The following UNC13C variants were observed in gnomAD, a reference collection of about 807,000 sequenced individuals.
UNC13C encodes the protein protein unc-13 homolog C.
In UNC13C, 174 loss-of-function variants were observed where a neutral mutation model predicts 245.4. That is an observed-to-expected ratio of 0.71 (90% CI 0.63 to 0.80). UNC13C has a LOEUF of 0.80. Ranked by LOEUF, UNC13C falls within the 30% of genes least tolerant of loss-of-function variation. The pLI is 0.00. For synonymous variants in UNC13C, 992 were observed against 895.1 expected, an observed-to-expected ratio of 1.11 and a Z score of -1.93; for missense variants, 2,829 against 2,602.9, an observed-to-expected ratio of 1.09 and a Z score of -1.89.
intron 2 of UNC13C, among the ~76,000 whole-genome samples, chr15:54,087,175 G>A (rs570802427): frequency 3.9e-5 from 6 of 152,122 alleles, no homozygotes; most frequent in East Asian, 1.9e-4. Flanking sequence ...TTCACTTGAA[G>A]CATTATTTTC....
intron 2 of UNC13C, among the ~76,000 whole-genome samples, chr15:54,053,240 C>G (rs1452048799): frequency 6.6e-6 from 1 of 152,022 alleles, no homozygotes; most frequent in African/African-American, 2.4e-5. Flanking sequence ...CCATGTTGTT[C>G]AGGCTGGTCT....
At chr15:54,028,520 C>T (rs1461838164) in intron 2 of UNC13C, among the ~76,000 whole-genome samples, 3 of 152,042 alleles carry the variant, frequency 2.0e-5, no homozygotes, top group African/African-American at 7.2e-5. Context: ...ACAGCGAGCC[C>T]ATAGCGCTGA....
chr15:54,474,248 T>C (rs1023452959), intron 19 of UNC13C, among the ~76,000 whole-genome samples: 9 of 152,100 alleles, frequency 5.9e-5, no homozygotes, highest in Non-Finnish European at 1.3e-4. Context: ...ATGATAAATC[T>C]TCATACTGTT....
At chr15:54,444,849 G>A (rs867726566) in intron 19 of UNC13C, among the ~76,000 whole-genome samples, 15 of 151,696 alleles carry the variant, frequency 9.9e-5, no homozygotes, top group Admixed American at 4.6e-4. Flanking sequence ...AAGTTCTAGG[G>A]TACATATGTA....
chr15:53,911,290 A>G, the UNC13C span: 1 of 152,292 alleles, frequency 6.6e-6, no homozygotes, highest in Admixed American at 6.5e-5. Flanking sequence ...AGGATTTAGC[A>G]ACAGCTGTCA....
At chr15:54,583,375 A>C (rs1289325204) in intron 30 of UNC13C, among the ~76,000 whole-genome samples, 8 of 152,228 alleles carry the variant, frequency 5.3e-5, no homozygotes, top group Non-Finnish European at 1.5e-5. Context: ...TAAAATAACA[A>C]GATAAACCTG....
intron 17 of UNC13C, among the ~76,000 whole-genome samples, chr15:54,362,982 A>G (rs940477223): frequency 5.3e-5 from 8 of 152,192 alleles, no homozygotes; most frequent in African/African-American, 1.7e-4. Context: ...GCCAGAGAGA[A>G]TATTGCAAAT....
chr15:54,609,711 A>T (rs1317587397), intron 30 of UNC13C, among the ~76,000 whole-genome samples: 1 of 152,162 alleles, frequency 6.6e-6, no homozygotes, highest in Admixed American at 6.5e-5. Flanking sequence ...TCCCCCTAAA[A>T]TTGAGTAATA....
At chr15:54,171,340 GC>G (rs1477398394) in intron 4 of UNC13C, among the ~76,000 whole-genome samples, 8 of 151,992 alleles carry the variant, frequency 5.3e-5, no homozygotes, top group Non-Finnish European at 1.2e-4. Flanking sequence ...GAAAATATTT[GC>G]AAACTACCCA....
At chr15:54,112,847 C>T (rs1017005184) in intron 2 of UNC13C, among the ~76,000 whole-genome samples, 1 of 152,164 alleles carries the variant, frequency 6.6e-6, no homozygotes, top group African/African-American at 2.4e-5. Context: ...ATGGACAGTA[C>T]TACCCCTAAA....
At chr15:54,068,881 G>A (rs1898191494) in intron 2 of UNC13C, among the ~76,000 whole-genome samples, 1 of 152,142 alleles carries the variant, frequency 6.6e-6, no homozygotes, top group Non-Finnish European at 1.5e-5. Flanking sequence ...AGGTCACCGT[G>A]CACAGGGCAT....
At position 54,250,215 on chromosome 15, in the gene UNC13C, A is replaced by T. The variant is rs764988225; in HGVS notation, c.3229-10A>T. 1.2e-6 allele frequency: 2 copies of T among 1,613,400 alleles called. No individual in the cohort carries two copies. The highest frequency in any genetic ancestry group is 2.2e-5 in the East Asian group (1 of 44,892). On this transcript the variant is annotated splice_polypyrimidine_tract_variant and intron_variant, in intron 7 of 32. Transcript: ENST00000260323. ...TGGCGGTGCATTGGTAACTTCTCTC[A>T]TGTTCACAGAAAATGCACGTCTTCA...
rs769553822 is a variant in UNC13C at position 54,322,072 on chromosome 15, C to T, written c.4402C>T (p.Arg1468Ter). 2.5e-6 allele frequency: 4 copies of T among 1,580,550 alleles called. No individual in the cohort carries two copies. The highest frequency in any genetic ancestry group is 2.6e-6 in the Non-Finnish European group (3 of 1,163,370). ...AAACATACAGGTTTCTGCCTCAGAT[C>T]GATTTGCTGCTACCAACTTTGGTGT... ...STNIQVSASD[R>*]FAATNFGREK... Residue 1468 changes from arginine to a stop codon, truncating the protein, a stop_gained, in exon 14 of 33, where the codon CGA becomes TGA. Coordinates refer to ENST00000260323, the MANE Select transcript of UNC13C (RefSeq NM_001080534.3). LOFTEE classifies it high-confidence loss of function.
At chr15:53,842,966 TTAAAA>T in the UNC13C span, among the ~76,000 whole-genome samples, 8 of 150,508 alleles carry the variant, frequency 5.3e-5, no homozygotes, top group African/African-American at 1.9e-4. Context: ...AATTTAAAAA[TTAAAA>T]TAAAGAACAG....
chr15:53,931,080 A>C, the UNC13C span, among the ~76,000 whole-genome samples: 2 of 152,234 alleles, frequency 1.3e-5, no homozygotes, highest in African/African-American at 4.8e-5. Context: ...ATTCAATGAC[A>C]GTGACTTCTG....
intron 2 of UNC13C, among the ~76,000 whole-genome samples, chr15:54,117,039 T>C (rs897245185): frequency 6.6e-5 from 10 of 152,316 alleles, no homozygotes; most frequent in East Asian, 1.9e-4. Context: ...GTTGAGTTTT[T>C]TTCATATACC....
Position 54,525,614 on chromosome 15 carries a change from G to C in UNC13C, c.5523G>C (p.Glu1841Asp), listed in dbSNP as rs1487437188. ...TTAAGCTCAGTGGGGTCCTGGATGA[G>C]CTCAGCGTCACTTATGGTGAAAGGT... ...LQVKLSGVLDELSVTYGESFQ... is the reference protein window; with the variant it reads ...LQVKLSGVLDDLSVTYGESFQ... Residue 1841 changes from glutamate to aspartate, a missense_variant, in exon 25 of 33, where the codon GAG becomes GAC. Transcript: ENST00000260323. 2.5e-6 allele frequency: 4 copies of C among 1,612,678 alleles called. No homozygotes were observed. The highest frequency in any genetic ancestry group is 1.7e-5 in the Admixed American group (1 of 59,870).
chr15:54,464,527 C>G (rs1892062695), intron 19 of UNC13C, among the ~76,000 whole-genome samples: 1 of 151,906 alleles, frequency 6.6e-6, no homozygotes, highest in Non-Finnish European at 1.5e-5. Context: ...ACTTTTTCTT[C>G]TAAAGGATGA....
At chr15:53,951,004 G>A in the UNC13C span, among the ~76,000 whole-genome samples, 8 of 152,106 alleles carry the variant, frequency 5.3e-5, no homozygotes, top group Non-Finnish European at 7.4e-5. Flanking sequence ...TGATTCTCAC[G>A]GTGAGAAGAA....
Sources: gnomAD v4.1 joint callset for allele counts (sites outside exome capture counted in the v4.1 genomes callset) on GRCh38, gnomAD v4.1.1 for gene constraint, MANE v1.5 for transcripts, NCBI Gene and HGNC (gene_info 2026-07-23, HGNC 2026-07-21) for gene names.